The following METTL15 variants were observed in gnomAD, a reference collection of about 807,000 sequenced individuals.
METTL15 encodes 12S rRNA N(4)-cytidine methyltransferase METTL15.
In METTL15, 34 loss-of-function variants were observed where a neutral mutation model predicts 38.3. That is an observed-to-expected ratio of 0.89 (90% CI 0.68 to 1.18). The LOEUF (loss-of-function observed/expected upper bound fraction) is 1.18. Ranked by LOEUF, METTL15 falls within the 50% of genes most tolerant of loss-of-function variation. The pLI is 0.00. For synonymous variants in METTL15, 162 were observed against 170.9 expected (o/e 0.95, Z 0.41); for missense variants, 438 against 498.4 (o/e 0.88, Z 1.15).
intron 3 of METTL15, among the ~76,000 whole-genome samples, chr11:28,194,456 T>A (rs932486859): frequency 1.3e-5 from 2 of 151,806 alleles, no homozygotes; most frequent in Non-Finnish European, 2.9e-5. Flanking sequence ...TGCCTTGGCC[T>A]CCAAAAGTGC....
Position 28,208,040 on chromosome 11 carries a change from T to C in METTL15, c.271-3022T>C, listed in dbSNP as rs1244263472. On this transcript the variant is annotated intron_variant, in intron 3 of 6. Transcript: ENST00000407364. Reference sequence around the variant, plus strand: ...TCTTGCTAGCAGTCTATCAATTTTGTTGATCGTTTCAAAAAACCAGCTCCT... The same window carrying C: ...TCTTGCTAGCAGTCTATCAATTTTGCTGATCGTTTCAAAAAACCAGCTCCT... Among the ~76,000 whole-genome samples the C allele has an allele frequency of 2.0e-5, 3 of 152,302 alleles. No individual in the cohort carries two copies. The East Asian group carries it at 5.8e-4, about 29-fold the overall frequency.
intron 3 of METTL15, among the ~76,000 whole-genome samples, chr11:28,161,721 C>G (rs1443129748): frequency 1.3e-5 from 2 of 149,452 alleles, no homozygotes; most frequent in Admixed American, 1.3e-4. Flanking sequence ...TATTTTGAAA[C>G]TTTACATCTT....
chr11:28,515,164 A>G (rs1851709066), intron 6 of METTL15, among the ~76,000 whole-genome samples: 1 of 152,210 alleles, frequency 6.6e-6, no homozygotes, highest in Non-Finnish European at 1.5e-5. Flanking sequence ...GAAAGAATAA[A>G]TGATTCTAGG....
intron 4 of METTL15, among the ~76,000 whole-genome samples, chr11:28,219,180 G>T (rs1853061406): frequency 6.6e-6 from 1 of 152,038 alleles, no homozygotes; most frequent in Admixed American, 6.6e-5. Flanking sequence ...CTGTGAGTCT[G>T]TCTGGTCCTG....
At chr11:28,423,457 TC>T (rs1328695511) in intron 5 of METTL15, among the ~76,000 whole-genome samples, 1 of 151,996 alleles carries the variant, frequency 6.6e-6, no homozygotes, top group Non-Finnish European at 1.5e-5. Flanking sequence ...AACCTAAGTG[TC>T]CATCAACAGA....
intron 6 of METTL15, among the ~76,000 whole-genome samples, chr11:28,316,433 A>G (rs1857483719): frequency 6.6e-6 from 1 of 152,244 alleles, no homozygotes; most frequent in South Asian, 2.1e-4. Flanking sequence ...CAACTAGGAA[A>G]TAACTAACTT....
Position 28,391,266 on chromosome 11 carries a change from A to G in METTL15, c.*358+29230A>G, listed in dbSNP as rs1044406453. 3.9e-5 allele frequency among the ~76,000 whole-genome samples: 6 copies of G among 152,012 alleles called. No individual in the cohort carries two copies. The East Asian group carries it at 7.8e-4, about 20-fold the overall frequency. On this transcript the variant is annotated intron_variant and NMD_transcript_variant, in intron 5 of 7. Coordinates refer to the METTL15 transcript ENST00000532947. Reference sequence around the variant, plus strand: ...CCCTGGCCAGAACTTCCCACACTATATTGAGTAGGAGTGGTGAGAGAGGGC... The same window carrying G: ...CCCTGGCCAGAACTTCCCACACTATGTTGAGTAGGAGTGGTGAGAGAGGGC...
intron 6 of METTL15, among the ~76,000 whole-genome samples, chr11:28,526,063 C>T (rs1417869217): frequency 1.3e-5 from 2 of 152,220 alleles, no homozygotes; most frequent in Non-Finnish European, 2.9e-5. Flanking sequence ...ACCTCACTGC[C>T]CAGGGCCACT....
intron 6 of METTL15, among the ~76,000 whole-genome samples, chr11:28,483,949 T>C (rs1851417486): frequency 6.6e-6 from 1 of 152,198 alleles, no homozygotes; most frequent in South Asian, 2.1e-4. Flanking sequence ...GGCATATTGA[T>C]ATATATTTAA....
intron 4 of METTL15, among the ~76,000 whole-genome samples, chr11:28,353,418 G>C (rs976310920): frequency 2.0e-5 from 3 of 152,200 alleles, no homozygotes; most frequent in African/African-American, 7.2e-5. Context: ...TGTGCCACCA[G>C]ACCTTGATTA....
intron 5 of METTL15, among the ~76,000 whole-genome samples, chr11:28,371,067 T>C (rs551845336): frequency 2.0e-5 from 3 of 152,222 alleles, no homozygotes; most frequent in African/African-American, 7.2e-5. Flanking sequence ...TGTAATCCTA[T>C]TTATTTTTGA....
intron 4 of METTL15, among the ~76,000 whole-genome samples, chr11:28,357,214 T>G (rs1238221763): frequency 6.6e-6 from 1 of 152,220 alleles, no homozygotes; most frequent in South Asian, 2.1e-4. Flanking sequence ...TTACCACATA[T>G]GAATTCCAGG....
At chr11:28,502,588 G>GA (rs1248322302) in intron 6 of METTL15, among the ~76,000 whole-genome samples, 2 of 152,150 alleles carry the variant, frequency 1.3e-5, no homozygotes, top group Admixed American at 1.3e-4. Context: ...ATAAAAAGTG[G>GA]AAAAAACTGA....
intron 3 of METTL15, among the ~76,000 whole-genome samples, chr11:28,130,680 G>A (rs980679005): frequency 1.3e-5 from 2 of 152,118 alleles, no homozygotes; most frequent in African/African-American, 2.4e-5. Context: ...GTCTACATGC[G>A]CAGATGTTGC....
rs542561458 is a variant in METTL15 at position 28,218,608 on chromosome 11, A to G, written c.407+7410A>G. 5.9e-5 allele frequency among the ~76,000 whole-genome samples: 9 copies of G among 152,226 alleles called. No individual in the cohort carries two copies. The South Asian group carries it at 1.9e-3, about 32-fold the overall frequency. ...TTCCAACACTGTGTTGAATAGGAGTAGTGAGAGAGGGCGTCCGTGTCTTGT... is the reference window on the plus strand; with the variant it reads ...TTCCAACACTGTGTTGAATAGGAGTGGTGAGAGAGGGCGTCCGTGTCTTGT... On this transcript the variant is annotated intron_variant, in intron 4 of 6. Transcript: ENST00000407364.
At chr11:28,111,571 A>G (rs775693449) in intron 2 of METTL15, among the ~76,000 whole-genome samples, 5 of 152,196 alleles carry the variant, frequency 3.3e-5, no homozygotes, top group Non-Finnish European at 7.3e-5. Flanking sequence ...AAGTGGATTA[A>G]ATAGTTCCAG....
chr11:28,145,413 G>A (rs1849846972), intron 3 of METTL15: 1 of 151,452 alleles, frequency 6.6e-6, no homozygotes, highest in South Asian at 2.1e-4. Flanking sequence ...AAAATTACTT[G>A]TAGACATCTA....
At chr11:28,456,584 G>A (rs1159657859) in intron 6 of METTL15, among the ~76,000 whole-genome samples, 2 of 151,842 alleles carry the variant, frequency 1.3e-5, no homozygotes, top group Admixed American at 6.6e-5. Context: ...GGGACTACAG[G>A]TGCACGCCAC....
chr11:28,211,155 C>A lies in METTL15; in HGVS notation c.364C>A (p.Pro122Thr). ...DIVLYALDRD[P>T]TAYALAEHLS... The stretch of plus-strand genomic sequence containing the variant: ...TGTTCTCTATGCCTTGGACAGAGAC[C>A]CAACAGCTTATGCATTAGCTGAACA... The change falls in exon 4 of 7, where the codon CCA becomes ACA. Residue 122 changes from proline to threonine, a missense_variant. Pro to Thr is a conservative substitution (Grantham distance 38). Transcript: ENST00000407364. The A allele has an allele frequency of 6.2e-7, 1 of 1,612,384 alleles. No homozygotes were observed. The highest frequency in any genetic ancestry group is 8.5e-7 in the Non-Finnish European group (1 of 1,179,016).
Sources: allele counts gnomAD v4.1 joint callset (sites outside exome capture counted in the v4.1 genomes callset), GRCh38; gene constraint gnomAD v4.1.1; transcripts MANE v1.5; gene names NCBI Gene and HGNC (gene_info 2026-07-23, HGNC 2026-07-21).